Variants in TLN2 observed in about 807,000 individuals in gnomAD.
The protein encoded by TLN2 is talin-2.
A neutral mutation model predicts 294.7 loss-of-function variants in TLN2; 118 were observed. The observed-to-expected ratio is 0.40, with a 90% CI of 0.34 to 0.47. The LOEUF is 0.47. TLN2 is among the 20% of genes least tolerant of loss of function. The probability of loss-of-function intolerance (pLI) is 0.84; values close to 1 mark genes in which losing one functional copy is unlikely to be tolerated. For synonymous variants in TLN2, 1,431 were observed against 1,304.5 expected, an observed-to-expected ratio of 1.10 and a Z score of -2.09; for missense variants, 3,083 against 3,282.2, an observed-to-expected ratio of 0.94 and a Z score of 1.48.
Position 62,725,077 on chromosome 15 carries a change from C to T in TLN2, c.3228C>T (p.Ser1076=), listed in dbSNP as rs1217473741. 12 of 1,612,570 alleles carry T rather than the reference C, an allele frequency of 7.4e-6. No individual in the cohort carries two copies. The highest frequency in any genetic ancestry group is 1.7e-4 in the Middle Eastern group (1 of 6,052). ...LQDAKMAAVE[S]QLKPLPGETL... is the part of the protein sequence containing the mutation. Reference sequence around the variant, plus strand: ...ATGCCAAGATGGCAGCCGTGGAGAGCCAGCTGAAGCCACTTCCAGGGGAAA... The same window carrying T: ...ATGCCAAGATGGCAGCCGTGGAGAGTCAGCTGAAGCCACTTCCAGGGGAAA... The change falls in exon 27 of 59, where the codon AGC becomes AGT. Residue 1076 remains serine (S), a synonymous_variant. Transcript: ENST00000636159.
At chr15:62,466,812 TTCAGATTTGGGA>T (rs2037159673) in intron 1 of TLN2, among the ~76,000 whole-genome samples, 1 of 152,226 alleles carries the variant, frequency 6.6e-6, no homozygotes, top group Non-Finnish European at 1.5e-5. Context: ...TGGTTTTATT[TTCAGATTTGGGA>T]TGCTGATGAC....
chr15:62,813,434 A>G (rs887799789), intron 52 of TLN2, among the ~76,000 whole-genome samples: 2 of 152,224 alleles, frequency 1.3e-5, no homozygotes, highest in Admixed American at 1.3e-4. Flanking sequence ...AAGAAAAGCT[A>G]AATGATAGTA....
At chr15:62,775,825 C>G (rs763754299) in intron 42 of TLN2, among the ~76,000 whole-genome samples, 2 of 152,222 alleles carry the variant, frequency 1.3e-5, no homozygotes, top group Non-Finnish European at 2.9e-5. Flanking sequence ...CAATTCCGAC[C>G]CTGAAACCTG....
At chr15:62,788,908 C>T (rs976628195) in intron 45 of TLN2, among the ~76,000 whole-genome samples, 1 of 152,202 alleles carries the variant, frequency 6.6e-6, no homozygotes, top group Non-Finnish European at 1.5e-5. Context: ...TCCTGTGTCA[C>T]AGGGGAAGGA....
At chr15:62,471,734 T>C (rs781547423) in intron 1 of TLN2, among the ~76,000 whole-genome samples, 7 of 152,152 alleles carry the variant, frequency 4.6e-5, no homozygotes, top group Non-Finnish European at 8.8e-5. Context: ...AAGAGTTGGT[T>C]TGGGGAAGGG....
At chr15:62,565,491 T>A (rs2043319764) in intron 1 of TLN2, among the ~76,000 whole-genome samples, 1 of 152,184 alleles carries the variant, frequency 6.6e-6, no homozygotes, top group Non-Finnish European at 1.5e-5. Context: ...GCAATTAACA[T>A]ACCACTTCGT....
At chr15:62,710,720 C>CTTTTTTTTTTTTTTTTTTTTTTT (rs71287048) in intron 21 of TLN2, among the ~76,000 whole-genome samples, 1 of 77,046 alleles carries the variant, frequency 1.3e-5, no homozygotes, top group Non-Finnish European at 2.4e-5. Flanking sequence ...TGCTGATGTC[C>CTTTTTTTTTTTTTTTTTTTTTTT]TTTTTTTTTT....
At chr15:62,552,779 A>G (rs2042394543) in intron 1 of TLN2, among the ~76,000 whole-genome samples, 1 of 152,268 alleles carries the variant, frequency 6.6e-6, no homozygotes, top group Non-Finnish European at 1.5e-5. Context: ...ACACACATAA[A>G]GCAATATTAT....
intron 2 of TLN2, among the ~76,000 whole-genome samples, chr15:62,590,543 A>C (rs950370846): frequency 1.3e-5 from 2 of 152,112 alleles, no homozygotes; most frequent in African/African-American, 4.8e-5. Flanking sequence ...TATATGTACC[A>C]CATTTTCTTT....
In TLN2 at chr15:62,761,781, A is replaced by G. The variant is rs2062689282; in HGVS notation, c.4739A>G (p.Asn1580Ser). 5.0e-6 allele frequency: 8 copies of G among 1,613,992 alleles called. No individual in the cohort carries two copies. Among genetic ancestry groups the G allele is most frequent in the Non-Finnish European group, 5.9e-6 (7 of 1,180,020 alleles). ...AVENLTAFASNPEFVSIPAQI... is the reference protein window; with the variant it reads ...AVENLTAFASSPEFVSIPAQI... ...GAGAACCTGACAGCGTTCGCCTCAA[A>G]CCCTGAGTTTGTCAGCATTCCTGCC... Residue 1580 changes from asparagine (N) to serine (S), a missense_variant, in exon 38 of 59, where the codon AAC becomes AGC. Transcript: ENST00000636159.
chr15:62,835,800 G>C lies in TLN2; in HGVS notation c.7191+1G>C. ...GTGGTCACAGGGGCTGATTTCTGCT[G>C]TGAGTTGCCTTCTCCTTCCTCCCAG... On this transcript the variant is annotated splice_donor_variant, in intron 56 of 58. Coordinates refer to ENST00000636159, the MANE Select transcript of TLN2 (RefSeq NM_015059.3). LOFTEE classifies it high-confidence loss of function. The C allele has an allele frequency of 1.2e-6, 2 of 1,614,232 alleles. No homozygotes were observed. The highest frequency in any genetic ancestry group is 1.6e-4 in the Middle Eastern group (1 of 6,062).
chr15:62,766,390 G>A lies in TLN2; in HGVS notation c.5164G>A (p.Ala1722Thr), dbSNP rs368056514. Residue 1722 changes from alanine to threonine, a missense_variant, in exon 41 of 59, where the codon GCT becomes ACT. Physicochemically the swap from Ala to Thr is moderately conservative, Grantham distance 58. Transcript: ENST00000636159. ...GHLIDPIATA[A>T]RGEAAQLGHK... ...CCTTATCGATCCCATCGCCACAGCGGCTCGGGGAGAAGCAGCTCAGCTGGG... is the reference window on the plus strand; with the variant it reads ...CCTTATCGATCCCATCGCCACAGCGACTCGGGGAGAAGCAGCTCAGCTGGG... The A allele has an allele frequency of 1.9e-5, 30 of 1,612,190 alleles. No individual in the cohort carries two copies. The highest frequency in any genetic ancestry group is 2.5e-6 in the Non-Finnish European group (3 of 1,178,482).
At chr15:62,532,591 C>G (rs573393259) in intron 1 of TLN2, among the ~76,000 whole-genome samples, 91 of 152,284 alleles carry the variant, frequency 6.0e-4, no homozygotes, top group Non-Finnish European at 1.1e-3. Flanking sequence ...AATACCCTTG[C>G]AAGAGAGACC....
chr15:62,681,206 A>G (rs2056800508), intron 11 of TLN2, among the ~76,000 whole-genome samples: 1 of 152,208 alleles, frequency 6.6e-6, no homozygotes, highest in Non-Finnish European at 1.5e-5. Context: ...TTTTAAAGAC[A>G]TCAGTAACAG....
At position 62,575,315 on chromosome 15, in the gene TLN2, A is replaced by G. The variant is rs539951834; in HGVS notation, c.-237-14372A>G. ...AGCGTGAGTGACAGAGCAAGACCCT[A>G]TCTCCAAAAACAAACAAACAAAAAA... On this transcript the variant is annotated intron_variant, in intron 1 of 58. Transcript: ENST00000636159. Among the ~76,000 whole-genome samples, 6 of 152,316 alleles carry G rather than the reference A, an allele frequency of 3.9e-5. No homozygotes were observed. The South Asian group carries it at 1.2e-3, about 32-fold the overall frequency.
At chr15:62,558,216 C>G (rs2042712240) in intron 1 of TLN2, among the ~76,000 whole-genome samples, 1 of 152,110 alleles carries the variant, frequency 6.6e-6, no homozygotes, top group Non-Finnish European at 1.5e-5. Context: ...TTGCATTTCT[C>G]AAGGAAAATT....
At chr15:62,713,242 TC>T (rs2059535283) in intron 22 of TLN2, among the ~76,000 whole-genome samples, 2 of 127,048 alleles carry the variant, frequency 1.6e-5, no homozygotes, top group African/African-American at 5.9e-5. Context: ...CTGCACTCCA[TC>T]CTGGGTGACA....
chr15:62,815,400 A>G (rs2067035595), intron 52 of TLN2, among the ~76,000 whole-genome samples: 1 of 152,210 alleles, frequency 6.6e-6, no homozygotes, highest in African/African-American at 2.4e-5. Flanking sequence ...CCCGTTTTTA[A>G]CAATTCAAGG....
intron 1 of TLN2, among the ~76,000 whole-genome samples, chr15:62,425,817 G>A (rs1224480531): frequency 1.3e-5 from 2 of 152,176 alleles, no homozygotes; most frequent in Non-Finnish European, 2.9e-5. Context: ...GTTGCTTTTA[G>A]TAATAGTTGC....
Sources: allele counts gnomAD v4.1 joint callset (sites outside exome capture counted in the v4.1 genomes callset), GRCh38; gene constraint gnomAD v4.1.1; transcripts MANE v1.5; gene names NCBI Gene and HGNC (gene_info 2026-07-23, HGNC 2026-07-21).